Variants in LOC112694756 observed in about 807,000 individuals in gnomAD.
chr16:30,055,093 CT>C, the LOC112694756 span: 1 of 399,120 alleles, frequency 2.5e-6, no homozygotes. Context: ...CCAGCCAAAC[CT>C]TTTCCTTTCC....
the LOC112694756 span, chr16:30,070,328 G>A: frequency 1.2e-5 from 11 of 918,370 alleles, no homozygotes; most frequent in South Asian, 2.7e-5. Flanking sequence ...TTCTTCCCTC[G>A]TGACAGTGGT....
At chr16:30,067,324 G>A in the LOC112694756 span, 1 of 1,613,560 alleles carries the variant, frequency 6.2e-7, no homozygotes, top group Non-Finnish European at 8.5e-7. Flanking sequence ...TCACCGCATC[G>A]TGGCACCTGG....
the LOC112694756 span, chr16:30,055,209 G>C: frequency 2.5e-6 from 1 of 399,382 alleles, no homozygotes; most frequent in Non-Finnish European, 4.4e-6. Flanking sequence ...TCCCCCTGCA[G>C]GAAGCAAGGT....
chr16:30,068,497 GGAGGCT>G, the LOC112694756 span: 7,390 of 862,876 alleles, frequency 8.6e-3, 328 homozygotes, highest in African/African-American at 0.1. Flanking sequence ...CAGCTACCTA[GGAGGCT>G]GAGGCGGGAG....
At chr16:30,056,105 G>GTTT in the LOC112694756 span, among the ~76,000 whole-genome samples, 82 of 119,546 alleles carry the variant, frequency 6.9e-4, no homozygotes, top group African/African-American at 9.9e-4. Context: ...CCCAGCCATG[G>GTTT]TTTTTTTTTT....
the LOC112694756 span, chr16:30,059,045 C>T: frequency 2.5e-6 from 1 of 398,376 alleles, no homozygotes; most frequent in Non-Finnish European, 4.4e-6. Flanking sequence ...TGCATGCGAT[C>T]AGAAGCAGGT....
the LOC112694756 span, chr16:30,065,978 T>C: frequency 6.5e-6 from 1 of 152,928 alleles, no homozygotes; most frequent in South Asian, 2.0e-4. Flanking sequence ...AGAGGGATCT[T>C]GGGGGCAGTG....
At chr16:30,067,758 A>G in the LOC112694756 span, 28 of 1,429,910 alleles carry the variant, frequency 2.0e-5, 1 homozygote, top group East Asian at 4.5e-5. Context: ...TTGGTGGCCT[A>G]GAGACTTGCA....
the LOC112694756 span, chr16:30,064,133 G>A: frequency 7.6e-6 from 3 of 395,956 alleles, no homozygotes; most frequent in Admixed American, 4.4e-5. Flanking sequence ...GTTGGGCAGG[G>A]GGGTGGCGCT....
chr16:30,059,223 T>C, the LOC112694756 span, among the ~76,000 whole-genome samples: 32 of 151,996 alleles, frequency 2.1e-4, no homozygotes, highest in Non-Finnish European at 3.5e-4. Context: ...TCAGGCCGGG[T>C]GCGGTGGCTC....
At chr16:30,067,845 A>G in the LOC112694756 span, 10 of 704,292 alleles carry the variant, frequency 1.4e-5, no homozygotes, top group East Asian at 2.5e-4. Flanking sequence ...TATCATTCCC[A>G]CTTTACACAT....
the LOC112694756 span, among the ~76,000 whole-genome samples, chr16:30,057,928 C>T: frequency 6.6e-6 from 1 of 150,682 alleles, no homozygotes; most frequent in Non-Finnish European, 1.5e-5. Flanking sequence ...GAGACTCTGT[C>T]TCAAAAAAAA....
chr16:30,056,839 G>A, the LOC112694756 span, among the ~76,000 whole-genome samples: 22 of 151,528 alleles, frequency 1.5e-4, no homozygotes, highest in Admixed American at 3.9e-4. Flanking sequence ...GGGCTCAAGC[G>A]ATCTGCCATC....
the LOC112694756 span, chr16:30,070,096 T>G: frequency 6.2e-7 from 1 of 1,613,760 alleles, no homozygotes; most frequent in Non-Finnish European, 8.5e-7. Context: ...CCCTTCTCAC[T>G]CCACCCCTCT....
chr16:30,068,756 T>C, the LOC112694756 span: 1 of 1,614,168 alleles, frequency 6.2e-7, no homozygotes, highest in Non-Finnish European at 8.5e-7. Context: ...GTTTGGGTGC[T>C]GGGAGGAGTG....
chr16:30,063,157 T>A, the LOC112694756 span, among the ~76,000 whole-genome samples: 4 of 150,908 alleles, frequency 2.7e-5, no homozygotes, highest in Non-Finnish European at 5.9e-5. Context: ...AAAAAAAAAA[T>A]TAAAAATAGG....
chr16:30,055,001 A>C, the LOC112694756 span: 3 of 381,802 alleles, frequency 7.9e-6, no homozygotes, highest in Non-Finnish European at 1.4e-5. Context: ...CTTCATCTGC[A>C]GGCTCTTACC....
the LOC112694756 span, among the ~76,000 whole-genome samples, chr16:30,059,862 C>T: frequency 3.1e-3 from 476 of 152,190 alleles, no homozygotes; most frequent in Non-Finnish European, 4.9e-3. Context: ...TCGCCATGCC[C>T]GGCCAAGAAC....
At chr16:30,070,125 C>A in the LOC112694756 span, 1 of 1,614,068 alleles carries the variant, frequency 6.2e-7, no homozygotes, top group South Asian at 1.1e-5. Context: ...AGGCCAACAG[C>A]CTTGCCTGTC....
Sources: allele counts gnomAD v4.1 joint callset (sites outside exome capture counted in the v4.1 genomes callset), GRCh38; gene constraint gnomAD v4.1.1; transcripts MANE v1.5.